The following RIPOR2 variants were observed in gnomAD, a reference collection of about 807,000 sequenced individuals.
RIPOR2 encodes rho family-interacting cell polarization regulator 2.
RIPOR2 carries 39 observed loss-of-function variants against 114.5 expected under a neutral mutation model. The ratio of observed to expected loss-of-function variants is 0.34; its 90% confidence interval spans 0.26 to 0.44. The LOEUF (loss-of-function observed/expected upper bound fraction) is 0.44. RIPOR2 is among the 20% of genes least tolerant of loss of function. The probability of loss-of-function intolerance (pLI) is 1.00; values close to 1 mark genes in which losing one functional copy is unlikely to be tolerated. For missense variants in RIPOR2, 1,007 were observed against 1,255.1 expected, an observed-to-expected ratio of 0.80 and a Z score of 2.99; for synonymous variants, 445 against 484.4, an observed-to-expected ratio of 0.92 and a Z score of 1.07.
intron 7 of RIPOR2, among the ~76,000 whole-genome samples, chr6:24,863,345 T>C (rs1764272929): frequency 6.6e-6 from 1 of 152,226 alleles, no homozygotes; most frequent in Non-Finnish European, 1.5e-5. Context: ...AATTGCACTC[T>C]ATGTCTTTGA....
intron 1 of RIPOR2, among the ~76,000 whole-genome samples, chr6:24,992,604 A>G (rs1330809721): frequency 6.6e-6 from 1 of 152,252 alleles, no homozygotes; most frequent in African/African-American, 2.4e-5. Context: ...ATGCTTATGA[A>G]TAGGAAGAAT....
rs1358170992 is a variant in RIPOR2 at position 24,875,707 on chromosome 6, G to A, written c.172C>T (p.Gln58Ter). 6.2e-7 allele frequency: 1 copy of A among 1,613,256 alleles called. No homozygotes were observed. Among genetic ancestry groups the A allele is most frequent in the Non-Finnish European group, 8.5e-7 (1 of 1,179,638 alleles). Residue 58 changes from glutamine to a stop codon, truncating the protein, a stop_gained, in exon 2 of 22, where the codon CAG (glutamine) becomes TAG (stop). Coordinates refer to ENST00000643898, the MANE Select transcript of RIPOR2 (RefSeq NM_001286445.3). LOFTEE classifies it high-confidence loss of function. ...SQSFAGFSGL[Q>*]ERRSRCNSFI... ...AGTACTTGCCTGGATCGCCTTTCCTGGAGGCCGCTGAAACCCGCAAAGGAC... is the reference window on the plus strand; with the variant it reads ...AGTACTTGCCTGGATCGCCTTTCCTAGAGGCCGCTGAAACCCGCAAAGGAC...
intron 1 of RIPOR2, among the ~76,000 whole-genome samples, chr6:24,941,080 C>A (rs1466738539): frequency 1.3e-5 from 2 of 152,140 alleles, no homozygotes; most frequent in Non-Finnish European, 2.9e-5. Flanking sequence ...AGTCTTCCTG[C>A]CTGCCTCCCC....
chr6:25,038,495 A>C (rs160046), intron 1 of RIPOR2, among the ~76,000 whole-genome samples: 78,215 of 151,906 alleles, frequency 0.51, 20,192 homozygotes, highest in South Asian at 0.56. Flanking sequence ...TTTAAAGAAG[A>C]GTCTATAAGC....
intron 1 of RIPOR2, chr6:24,976,531 T>C: frequency 3.8e-6 from 6 of 1,590,776 alleles, no homozygotes; most frequent in Non-Finnish European, 8.6e-7. Flanking sequence ...ATCTAATCCA[T>C]AAAGCTATGT....
chr6:25,013,513 T>C (rs1194066278), intron 1 of RIPOR2, among the ~76,000 whole-genome samples: 1 of 152,198 alleles, frequency 6.6e-6, no homozygotes, highest in African/African-American at 2.4e-5. Flanking sequence ...CAGGGGACTG[T>C]AGGGAGGTGA....
At chr6:24,970,283 T>A (rs1773721802) in intron 1 of RIPOR2, among the ~76,000 whole-genome samples, 2 of 152,184 alleles carry the variant, frequency 1.3e-5, no homozygotes, top group Admixed American at 6.5e-5. Flanking sequence ...CCCTACAAAG[T>A]CTTCAATAAG....
chr6:24,933,794 C>T (rs1771569320), intron 1 of RIPOR2, among the ~76,000 whole-genome samples: 2 of 152,162 alleles, frequency 1.3e-5, no homozygotes, highest in Non-Finnish European at 2.9e-5. Context: ...TGACTCCCAA[C>T]TTATCAACCT....
chr6:24,807,018 A>G (rs1780814204), intron 21 of RIPOR2, among the ~76,000 whole-genome samples: 1 of 152,244 alleles, frequency 6.6e-6, no homozygotes, highest in Non-Finnish European at 1.5e-5. Context: ...TTGAACAGTT[A>G]GGATGCAATT....
intron 1 of RIPOR2, among the ~76,000 whole-genome samples, chr6:24,893,744 C>A (rs954600531): frequency 1.1e-4 from 16 of 152,140 alleles, no homozygotes; most frequent in African/African-American, 3.9e-4. Context: ...TGGATATGAC[C>A]CAGATCAACA....
At chr6:24,936,494 A>C (rs1490966599), upstream of RIPOR2, among the ~76,000 whole-genome samples, 1 of 152,166 alleles carries the variant, frequency 6.6e-6, no homozygotes, top group Non-Finnish European at 1.5e-5. Context: ...CAGCATTTAA[A>C]CCAAACTGAA....
At chr6:24,950,601 A>G (rs680009) in intron 1 of RIPOR2, among the ~76,000 whole-genome samples, 81,109 of 151,974 alleles carry the variant, frequency 0.53, 22,107 homozygotes, top group Middle Eastern at 0.62. Context: ...AAGGAATCTA[A>G]GTGAATGGGC....
intron 1 of RIPOR2, among the ~76,000 whole-genome samples, chr6:24,964,180 T>TGTGTGTGTGTG (rs879408324): frequency 1.3e-5 from 2 of 151,004 alleles, no homozygotes; most frequent in African/African-American, 4.9e-5. Flanking sequence ...TGTGTGTGTG[T>TGTGTGTGTGTG]TTCTTTGCCA....
chr6:24,943,104 A>G (rs758498097), intron 1 of RIPOR2, among the ~76,000 whole-genome samples: 11 of 152,234 alleles, frequency 7.2e-5, no homozygotes, highest in Non-Finnish European at 1.0e-4. Context: ...ATGTCCCACA[A>G]TGATAGATTG....
At chr6:24,892,327 A>G (rs1291105768) in intron 1 of RIPOR2, among the ~76,000 whole-genome samples, 1 of 152,056 alleles carries the variant, frequency 6.6e-6, no homozygotes, top group Non-Finnish European at 1.5e-5. Flanking sequence ...GGATAGTATA[A>G]TGGCGCAATC....
At chr6:24,894,345 C>A (rs1172046416) in intron 1 of RIPOR2, among the ~76,000 whole-genome samples, 1 of 152,160 alleles carries the variant, frequency 6.6e-6, no homozygotes, top group East Asian at 1.9e-4. Context: ...AAGGGAAATT[C>A]ATCTGTATTC....
At position 25,003,837 on chromosome 6, in the gene RIPOR2, C is replaced by T. The variant is rs561063792; in HGVS notation, c.76+38014G>A. 2.0e-5 allele frequency among the ~76,000 whole-genome samples: 3 copies of T among 152,298 alleles called. No homozygotes were observed. The South Asian group carries it at 6.2e-4, about 32-fold the overall frequency. On this transcript the variant is annotated intron_variant, in intron 1 of 13. Transcript: ENST00000510784. ...AGCTTTTCCAACAGGTAAGTGCAAA[C>T]TTCAGATACTTACTTGTTCAAATAG...
At chr6:25,040,688 G>T (rs1017436870) in intron 1 of RIPOR2, among the ~76,000 whole-genome samples, 1 of 150,950 alleles carries the variant, frequency 6.6e-6, no homozygotes, top group African/African-American at 2.4e-5. Flanking sequence ...CACCTCCTGG[G>T]TTCAAGTGAT....
At chr6:25,022,562 T>A (rs1006270058) in intron 1 of RIPOR2, among the ~76,000 whole-genome samples, 4 of 114,860 alleles carry the variant, frequency 3.5e-5, no homozygotes, top group African/African-American at 1.7e-4. Flanking sequence ...TTTTTTTTTT[T>A]TTTTTTAGAC....
Sources: gnomAD v4.1 joint callset for allele counts (sites outside exome capture counted in the v4.1 genomes callset) on GRCh38, gnomAD v4.1.1 for gene constraint, MANE v1.5 for transcripts, NCBI Gene and HGNC (gene_info 2026-07-23, HGNC 2026-07-21) for gene names.